Variants in SLC12A7 observed in about 807,000 individuals in gnomAD.
The protein encoded by SLC12A7 is K-Cl cotransporter 4.
In SLC12A7, 100 loss-of-function variants were observed where a neutral mutation model predicts 120.6. The ratio of observed to expected loss-of-function variants is 0.83; its 90% CI spans 0.71 to 0.98. SLC12A7 has a LOEUF of 0.98. Ranked by LOEUF, SLC12A7 falls within the 50% of genes least tolerant of loss-of-function variation. The pLI is 0.00. For missense variants in SLC12A7, 1,373 were observed against 1,548.1 expected (o/e 0.89, Z 1.90); for synonymous variants, 760 against 678.0 (o/e 1.12, Z -1.88).
rs200099495 is a variant in SLC12A7, at chr5:1,052,294, G to C, written c.*66C>G. 8.6e-5 allele frequency: 118 copies of C among 1,365,910 alleles called. No homozygotes were observed. The highest frequency in any genetic ancestry group is 1.2e-4 in the Non-Finnish European group (114 of 956,672). The allele number at this position is 1,365,910 out of a possible 1,614,324, so 84.6% of individuals were successfully genotyped here. A position where few individuals can be genotyped will look rare whatever the true frequency, so the allele number is the denominator to read the frequency against. On this transcript the variant is annotated 3_prime_UTR_variant, in exon 24 of 24. Transcript: ENST00000264930. ...TCTGCCGTCTGTTTCCCTGGGCCAA[G>C]CCCAGGCCCAGGCTGCCCACGCCGT... is the stretch of plus-strand genomic sequence containing the variant.
At chr5:1,144,092 A>G in the SLC12A7 span, among the ~76,000 whole-genome samples, 1 of 152,046 alleles carries the variant, frequency 6.6e-6, no homozygotes, top group Non-Finnish European at 1.5e-5. Context: ...GGAGGGGCAC[A>G]CCCGCCAACC....
intron 20 of SLC12A7, among the ~76,000 whole-genome samples, chr5:1,061,500 T>C (rs1347458943): frequency 1.2e-4 from 9 of 74,676 alleles, no homozygotes; most frequent in Admixed American, 2.6e-4. Context: ...GATCCCTGAG[T>C]CTCACCCGCC....
intron 1 of SLC12A7, among the ~76,000 whole-genome samples, chr5:1,111,450 C>T (rs1742999826): frequency 6.6e-6 from 1 of 152,128 alleles, no homozygotes; most frequent in Non-Finnish European, 1.5e-5. Context: ...TACCGGACGG[C>T]CGCGGCGCAG....
intron 22 of SLC12A7, chr5:1,057,181 G>A (rs1176905095): frequency 5.2e-6 from 2 of 385,980 alleles, no homozygotes; most frequent in East Asian, 8.6e-5. Context: ...CTCAGCGCTT[G>A]GCACTAGAAG....
rs376864760 is a variant in SLC12A7 at position 1,075,362 on chromosome 5, A to C, written c.1967+9T>G. The C allele has an allele frequency of 6.2e-7, 1 of 1,607,258 alleles. No homozygotes were observed. Among genetic ancestry groups the C allele is most frequent in the South Asian group, 1.1e-5 (1 of 90,958 alleles). On this transcript the variant is annotated intron_variant, in intron 15 of 23. Coordinates refer to ENST00000264930, the MANE Select transcript of SLC12A7 (RefSeq NM_006598.3). ...CGCCGGGTCTGTAAGGGGGGCTGAC[A>C]GCGCTTACCCGCGGTACTCGATGTA...
chr5:1,055,350 G>C lies in SLC12A7; in HGVS notation c.3027-1868C>G, dbSNP rs955282310. Among the ~76,000 whole-genome samples the C allele has an allele frequency of 8.5e-5, 13 of 152,262 alleles. No individual in the cohort carries two copies. In the South Asian group the frequency reaches 2.3e-3, roughly 27 times the overall value. On this transcript the variant is annotated intron_variant, in intron 22 of 23. Coordinates refer to ENST00000264930, the MANE Select transcript of SLC12A7 (RefSeq NM_006598.3). ...GCACACAGGCAGGTACACGTCCACC[G>C]GCAGGTGCGCTGACAGGTACATGCG...
intron 1 of SLC12A7, among the ~76,000 whole-genome samples, chr5:1,102,439 T>C (rs1403853107): frequency 6.6e-6 from 1 of 152,162 alleles, no homozygotes. Context: ...CTCCCGCGTT[T>C]TGGGATTTTA....
At chr5:1,059,373 T>A (rs1228476372) in intron 21 of SLC12A7, among the ~76,000 whole-genome samples, 1 of 152,156 alleles carries the variant, frequency 6.6e-6, no homozygotes, top group African/African-American at 2.4e-5. Context: ...GTACTGCAGG[T>A]TCCTGCTGAG....
rs374528809 is a variant in SLC12A7, at chr5:1,081,728, C to T, written c.1146G>A (p.Thr382=). The T allele has an allele frequency of 2.0e-5, 32 of 1,612,560 alleles. No homozygotes were observed. Among genetic ancestry groups the T allele is most frequent in the East Asian group, 2.2e-5 (1 of 44,858 alleles). ...CCACAAACGCCCCCGCGTGCGCGTA[C>T]GTACTCCACAGGTTCTCTGCCGGGC... is the stretch of plus-strand genomic sequence containing the variant. ...SGVFLENLWS[T]YAHAGAFVEK... is the part of the protein sequence containing the mutation. Residue 382 remains threonine, a synonymous_variant, in exon 9 of 24, where the codon ACG becomes ACA. Coordinates refer to ENST00000264930, the MANE Select transcript of SLC12A7 (RefSeq NM_006598.3).
At chr5:1,140,226 C>T in the SLC12A7 span, among the ~76,000 whole-genome samples, 3 of 152,244 alleles carry the variant, frequency 2.0e-5, no homozygotes, top group South Asian at 4.1e-4. Flanking sequence ...GGGAGCAGGG[C>T]CCCATGGGAA....
chr5:1,083,629 G>T, intron 8 of SLC12A7, 116 bp downstream of exon 8: 2 of 1,092,442 alleles, frequency 1.8e-6, no homozygotes, highest in East Asian at 2.5e-5. Flanking sequence ...AAGGGGCTCG[G>T]CCAGGCAGGA....
At position 1,056,551 on chromosome 5, in the gene SLC12A7, A is replaced by T. The variant is rs1015876509; in HGVS notation, c.3026+920T>A. The T allele has an allele frequency of 8.1e-6, 8 of 983,440 alleles. No individual in the cohort carries two copies. In the South Asian group the frequency reaches 1.9e-4, roughly 23 times the overall value. The allele number at this position is 983,440 out of a possible 1,614,324, so 60.9% of individuals were successfully genotyped here. On this transcript the variant is annotated intron_variant, in intron 22 of 23. Transcript: ENST00000264930. ...AGGCATGCAGGGCAACCGGGCCCGG[A>T]AGGCGACCTGGTTGTAGCGAGTGGA...
chr5:1,081,030 A>AGAGAGG (rs983124839), intron 9 of SLC12A7, among the ~76,000 whole-genome samples: 1 of 149,174 alleles, frequency 6.7e-6, no homozygotes, highest in African/African-American at 2.5e-5. Context: ...ACAGAGAGAG[A>AGAGAGG]GAGAGGGAGG....
chr5:1,088,171 A>G lies in SLC12A7; in HGVS notation c.544+135T>C, dbSNP rs189205248. The G allele has an allele frequency of 1.1e-4, 86 of 769,432 alleles. No homozygotes were observed. The African/African-American group carries it at 1.5e-3, about 13-fold the overall frequency. 47.7% of individuals were successfully genotyped at this position (769,432 alleles called of 1,614,324 possible). On this transcript the variant is annotated intron_variant, in intron 5 of 23. Coordinates refer to ENST00000264930, the MANE Select transcript of SLC12A7 (RefSeq NM_006598.3). ...AACGCCAGAGGAGCCAGTGGAGAAC[A>G]CGCAGAAGGCCCGGCTGAGACCCCC... is the stretch of plus-strand genomic sequence containing the variant.
chr5:1,109,117 A>C (rs1239860011), intron 1 of SLC12A7, among the ~76,000 whole-genome samples: 1 of 152,150 alleles, frequency 6.6e-6, no homozygotes, highest in Non-Finnish European at 1.5e-5. Flanking sequence ...AGTCCCTCCT[A>C]GACAGTGGGT....
At chr5:1,068,235 GAC>G (rs1468854754) in intron 17 of SLC12A7, among the ~76,000 whole-genome samples, 1 of 152,202 alleles carries the variant, frequency 6.6e-6, no homozygotes, top group Non-Finnish European at 1.5e-5. Context: ...AGGAGTTCGA[GAC>G]CAGACTGGCC....
At chr5:1,063,476 C>A (rs1295455616) in intron 20 of SLC12A7, among the ~76,000 whole-genome samples, 5 of 152,158 alleles carry the variant, frequency 3.3e-5, no homozygotes, top group Admixed American at 1.3e-4. Flanking sequence ...AACACCCACA[C>A]CCGTGTTACA....
In SLC12A7 at chr5:1,101,816, C is replaced by T. The variant is rs189860322; in HGVS notation, c.125-7568G>A. ...CCCCCGACACTAAGCAGCCTTGTGG[C>T]CCTCCGGAGCCGCTTTGCTGAGTTT... On this transcript the variant is annotated intron_variant, in intron 1 of 23. Transcript: ENST00000264930. Among the ~76,000 whole-genome samples the T allele has an allele frequency of 3.4e-3, 474 of 137,478 alleles. 1 individual carries two copies. Among genetic ancestry groups the T allele is most frequent in the South Asian group, 0.011 (41 of 3,764 alleles). 90.2% of individuals were successfully genotyped at this position (137,478 alleles called of 152,430 possible). A position where few individuals can be genotyped will look rare whatever the true frequency, so the allele number is the denominator to read the frequency against.
Position 1,100,978 on chromosome 5 carries a change from C to T in SLC12A7, c.125-6730G>A, listed in dbSNP as rs534869229. Among the ~76,000 whole-genome samples, 9 of 152,264 alleles carry T rather than the reference C, an allele frequency of 5.9e-5. 1 individual carries two copies. The South Asian group carries it at 8.3e-4, about 14-fold the overall frequency. On this transcript the variant is annotated intron_variant, in intron 1 of 23. Coordinates refer to ENST00000264930, the MANE Select transcript of SLC12A7 (RefSeq NM_006598.3). ...ATGGTGACCACCCACCAGGAGCCCT[C>T]GACGAGCTGAGCCCCGCACCCATGG... is the stretch of plus-strand genomic sequence containing the variant.
Sources: gnomAD v4.1 joint callset for allele counts (sites outside exome capture counted in the v4.1 genomes callset) on GRCh38, gnomAD v4.1.1 for gene constraint, MANE v1.5 for transcripts, NCBI Gene and HGNC (gene_info 2026-07-23, HGNC 2026-07-21) for gene names.